The following C2orf49 variants were observed in gnomAD, a reference collection of about 807,000 sequenced individuals.
C2orf49 encodes the protein tRNA-splicing ligase complex subunit ASW.
C2orf49 carries 11 observed loss-of-function variants against 20.6 expected under a neutral mutation model. The ratio of observed to expected loss-of-function variants is 0.53; its 90% CI spans 0.34 to 0.88. The LOEUF (loss-of-function observed/expected upper bound fraction) is 0.88. Among genes scored for constraint, C2orf49 ranks in the 40% least tolerant of loss-of-function variants. C2orf49 has a pLI of 0.02. For synonymous variants in C2orf49, 134 were observed against 108.5 expected, an observed-to-expected ratio of 1.24 and a Z score of -1.46; for missense variants, 289 against 274.2, an observed-to-expected ratio of 1.05 and a Z score of -0.38.
At chr2:105,351,313 G>GGCC (rs1679928193), downstream of C2orf49, among the ~76,000 whole-genome samples, 1 of 36,076 alleles carries the variant, frequency 2.8e-5, no homozygotes. Context: ...TGCCCACCGC[G>GGCC]CCCCCCCCCC....
At chr2:105,385,132 G>A in the C2orf49 span, among the ~76,000 whole-genome samples, 1 of 152,268 alleles carries the variant, frequency 6.6e-6, no homozygotes, top group African/African-American at 2.4e-5. Context: ...CACAGCATCT[G>A]CCCTGAAGCC....
the C2orf49 span, chr2:105,361,103 C>T: frequency 1.8e-6 from 1 of 543,950 alleles, no homozygotes; most frequent in South Asian, 3.6e-5. Flanking sequence ...TTTCTCTTTC[C>T]CTGGGACTGA....
the C2orf49 span, chr2:105,363,237 G>C: frequency 6.3e-7 from 1 of 1,592,552 alleles, no homozygotes; most frequent in Non-Finnish European, 8.6e-7. Context: ...GCTAGGCCTT[G>C]TTCAAGCTTC....
chr2:105,345,086 C>T (rs1679777057), intron 3 of C2orf49, among the ~76,000 whole-genome samples: 2 of 152,058 alleles, frequency 1.3e-5, no homozygotes, highest in Admixed American at 1.3e-4. Context: ...GTGATAAGAC[C>T]AGGCCTGGGG....
chr2:105,345,304 A>G lies in C2orf49; in HGVS notation c.643-11A>G. The G allele has an allele frequency of 6.2e-7, 1 of 1,608,654 alleles. No individual in the cohort carries two copies. Among genetic ancestry groups the G allele is most frequent in the South Asian group, 1.1e-5 (1 of 89,582 alleles). ...TGCAAGTATAAACTGATTTCTGTTC[A>G]TGTCTTTCAGAATAACCTGAAGCCC... is the stretch of plus-strand genomic sequence containing the variant. On this transcript the variant is annotated splice_polypyrimidine_tract_variant and intron_variant, in intron 3 of 3. Transcript: ENST00000258457.
the C2orf49 span, among the ~76,000 whole-genome samples, chr2:105,355,181 A>G: frequency 6.6e-6 from 1 of 152,124 alleles, no homozygotes; most frequent in Non-Finnish European, 1.5e-5. Flanking sequence ...CTTTTCATGC[A>G]TGGAGGGAGG....
At chr2:105,339,526 T>C in intron 1 of C2orf49, 57 bp from the exon 2 acceptor site, 1 of 1,503,262 alleles carries the variant, frequency 6.7e-7, no homozygotes, top group Non-Finnish European at 9.0e-7. Flanking sequence ...GGTAAGGTGG[T>C]TACTTGTTAA....
intron 3 of C2orf49, 45 bp downstream of exon 3, chr2:105,343,268 A>G (rs1226562339): frequency 6.6e-7 from 1 of 1,518,088 alleles, no homozygotes; most frequent in East Asian, 2.3e-5. Context: ...GTCTGAATGA[A>G]ACTTGAGCAG....
chr2:105,371,512 C>T, the C2orf49 span, among the ~76,000 whole-genome samples: 1 of 151,210 alleles, frequency 6.6e-6, no homozygotes, highest in African/African-American at 2.4e-5. Flanking sequence ...TCCAGACTTA[C>T]CGCCTCCACA....
chr2:105,357,203 T>A, the C2orf49 span, among the ~76,000 whole-genome samples: 1 of 152,218 alleles, frequency 6.6e-6, no homozygotes, highest in African/African-American at 2.4e-5. Flanking sequence ...TTGGTATGCT[T>A]AATGGTTTCT....
the C2orf49 span, chr2:105,363,265 G>T: frequency 1.2e-6 from 2 of 1,611,958 alleles, no homozygotes. Context: ...CCCTGGAAAT[G>T]GGAACCCCGG....
chr2:105,379,969 G>T, the C2orf49 span, among the ~76,000 whole-genome samples: 2 of 152,196 alleles, frequency 1.3e-5, no homozygotes, highest in African/African-American at 4.8e-5. Flanking sequence ...GGGTTTCCCT[G>T]TCACTCTCTG....
chr2:105,343,320 G>T (rs1679723659), intron 3 of C2orf49, 97 bp downstream of exon 3: 3 of 1,203,958 alleles, frequency 2.5e-6, no homozygotes, highest in Non-Finnish European at 3.4e-6. Context: ...GCTACATTCT[G>T]TTCTTGAACC....
rs1421916308 is a variant in C2orf49 at position 105,343,088 on chromosome 2, T to C, written c.507T>C (p.Asn169=). ...ACAATAAAACGGAACACAATAATAATGACGCTAAACAGAACCATGACTTAA... is the reference window on the plus strand; with the variant it reads ...ACAATAAAACGGAACACAATAATAACGACGCTAAACAGAACCATGACTTAA... ...PVNNKTEHNN[N]DAKQNHDLTH... The change falls in exon 3 of 4, where the codon AAT becomes AAC. Residue 169 remains asparagine (N), a synonymous_variant. Coordinates refer to ENST00000258457, the MANE Select transcript of C2orf49 (RefSeq NM_024093.3). The C allele has an allele frequency of 1.9e-6, 3 of 1,614,122 alleles. No homozygotes were observed. Among genetic ancestry groups the C allele is most frequent in the Non-Finnish European group, 2.5e-6 (3 of 1,180,054 alleles).
At chr2:105,343,280 C>A in intron 3 of C2orf49, 57 bp downstream of exon 3, 1 of 1,504,482 alleles carries the variant, frequency 6.6e-7, no homozygotes, top group South Asian at 1.3e-5. Flanking sequence ...CTTGAGCAGT[C>A]TGCCTCATGA....
chr2:105,362,588 A>G, the C2orf49 span, among the ~76,000 whole-genome samples: 12 of 152,224 alleles, frequency 7.9e-5, no homozygotes, highest in Non-Finnish European at 1.5e-4. Flanking sequence ...ATCCCACATC[A>G]TAAAACTTCT....
chr2:105,382,363 C>G, the C2orf49 span, among the ~76,000 whole-genome samples: 1 of 152,206 alleles, frequency 6.6e-6, no homozygotes, highest in African/African-American at 2.4e-5. Flanking sequence ...TAGACAGGGT[C>G]CTGCCCGAGG....
the C2orf49 span, among the ~76,000 whole-genome samples, chr2:105,366,984 AATCCACCAGCCTTGGCCTCCCACAGGTG>A: frequency 3.9e-5 from 6 of 152,104 alleles, no homozygotes; most frequent in Non-Finnish European, 5.9e-5. Flanking sequence ...GACCTAAGGT[AATCCACCAGCCTTGGCCTCCCACAGGTG>A]ATCCACCAGC....
chr2:105,363,443 C>A, the C2orf49 span: 1 of 1,611,132 alleles, frequency 6.2e-7, no homozygotes, highest in Non-Finnish European at 8.5e-7. Flanking sequence ...GGGCTGCTCC[C>A]GGTAAGTGAC....
Sources: gnomAD v4.1 joint callset for allele counts (sites outside exome capture counted in the v4.1 genomes callset) on GRCh38, gnomAD v4.1.1 for gene constraint, MANE v1.5 for transcripts, NCBI Gene and HGNC (gene_info 2026-07-23, HGNC 2026-07-21) for gene names.